The following TBL1XR1 variants were observed in gnomAD, a reference collection of about 807,000 sequenced individuals.
The protein encoded by TBL1XR1 is F-box-like/WD repeat-containing protein TBL1XR1.
In TBL1XR1, 5 loss-of-function variants were observed where a neutral mutation model predicts 66.9. The ratio of observed to expected loss-of-function variants is 0.07; its 90% CI spans 0.04 to 0.16. The LOEUF (loss-of-function observed/expected upper bound fraction) is 0.16. Among genes scored for constraint, TBL1XR1 ranks in the 10% least tolerant of loss-of-function variants. The pLI, the probability that TBL1XR1 is intolerant of heterozygous loss-of-function variation, is 1.00. For synonymous variants in TBL1XR1, 210 were observed against 206.0 expected (o/e 1.02, Z -0.17); for missense variants, 238 against 623.2 (o/e 0.38, Z 6.58).
intron 2 of TBL1XR1, among the ~76,000 whole-genome samples, chr3:177,067,734 C>T (rs1341825910): frequency 6.6e-6 from 1 of 151,924 alleles, no homozygotes; most frequent in Non-Finnish European, 1.5e-5. Flanking sequence ...CCTTGAAAGG[C>T]TTACTTCTAA....
At chr3:177,090,716 C>A (rs932993274) in intron 2 of TBL1XR1, among the ~76,000 whole-genome samples, 1 of 151,986 alleles carries the variant, frequency 6.6e-6, no homozygotes, top group Non-Finnish European at 1.5e-5. Flanking sequence ...GAGGCCAAGG[C>A]AAGAGAATCA....
Position 177,051,571 on chromosome 3 carries a change from T to C in TBL1XR1, c.360A>G (p.Gln120=), listed in dbSNP as rs1175863948. The stretch of plus-strand genomic sequence containing the variant: ...TTTCTCCATTTTTTGCAGATCCTTG[T>C]TGGCTGGCTGCAGCTGCGGCAGCTG... The part of the protein sequence containing the change: ...AAAAAAAAAS[Q]QGSAKNGENT... The change falls in exon 5 of 16, where the codon CAA becomes CAG. Residue 120 remains glutamine, a synonymous_variant. Coordinates refer to ENST00000457928, the MANE Select transcript of TBL1XR1 (RefSeq NM_024665.7). The C allele has an allele frequency of 1.2e-5, 19 of 1,613,658 alleles. No individual in the cohort carries two copies. The highest frequency in any genetic ancestry group is 1.4e-5 in the Non-Finnish European group (17 of 1,179,770).
At chr3:177,035,214 G>A (rs1714601475) in intron 12 of TBL1XR1, among the ~76,000 whole-genome samples, 1 of 151,962 alleles carries the variant, frequency 6.6e-6, no homozygotes, top group African/African-American at 2.4e-5. Flanking sequence ...TGATACTGTT[G>A]GCCACTCTCA....
intron 13 of TBL1XR1, 22 bp from the exon 14 acceptor site, chr3:177,033,158 G>T: frequency 4.0e-6 from 6 of 1,492,806 alleles, no homozygotes; most frequent in South Asian, 1.4e-5. Context: ...AGGAAAGAAA[G>T]TTAATTTATA....
intron 14 of TBL1XR1, chr3:177,032,767 A>G (rs1714188205): frequency 2.4e-6 from 1 of 410,050 alleles, no homozygotes; most frequent in Non-Finnish European, 4.2e-6. Flanking sequence ...ACAATAATAA[A>G]TAATAAAACA....
At chr3:177,105,112 G>A (rs1278349683) in intron 1 of TBL1XR1, among the ~76,000 whole-genome samples, 2 of 152,256 alleles carry the variant, frequency 1.3e-5, no homozygotes, top group Admixed American at 6.5e-5. Flanking sequence ...CCAAATTTAC[G>A]GATACTTGAA....
chr3:177,185,240 T>C (rs552582061), intron 1 of TBL1XR1, among the ~76,000 whole-genome samples: 4 of 152,300 alleles, frequency 2.6e-5, no homozygotes, highest in African/African-American at 9.6e-5. Context: ...AACAAGCATA[T>C]ATAAATACAC....
chr3:177,198,954 C>A (rs574710945), upstream of TBL1XR1, among the ~76,000 whole-genome samples: 15 of 151,832 alleles, frequency 9.9e-5, no homozygotes, highest in African/African-American at 3.4e-4. Flanking sequence ...CTAATAAGTT[C>A]AGTAATTAGA....
At chr3:177,185,807 C>T (rs1735336503) in intron 1 of TBL1XR1, among the ~76,000 whole-genome samples, 1 of 151,978 alleles carries the variant, frequency 6.6e-6, no homozygotes, top group Non-Finnish European at 1.5e-5. Context: ...AATTCGAGAC[C>T]AGCCTGAGCA....
chr3:177,047,923 TA>T (rs1560113926), intron 7 of TBL1XR1: 1 of 185,672 alleles, frequency 5.4e-6, no homozygotes, highest in South Asian at 1.4e-4. Flanking sequence ...TTATTAGAAG[TA>T]AAAAAGAAAA....
intron 14 of TBL1XR1, among the ~76,000 whole-genome samples, chr3:177,031,862 A>C (rs2108403072): frequency 1.3e-5 from 2 of 152,146 alleles, no homozygotes; most frequent in East Asian, 3.9e-4. Flanking sequence ...ATCTGCAACC[A>C]CATTACAAAG....
At chr3:177,178,679 T>C (rs1272212971) in intron 1 of TBL1XR1, among the ~76,000 whole-genome samples, 4 of 151,808 alleles carry the variant, frequency 2.6e-5, no homozygotes, top group Admixed American at 1.3e-4. Flanking sequence ...AAGCCCTAAT[T>C]ATACAGGAAT....
At chr3:177,156,796 G>A (rs973505456) in intron 1 of TBL1XR1, among the ~76,000 whole-genome samples, 6 of 152,016 alleles carry the variant, frequency 3.9e-5, no homozygotes, top group Non-Finnish European at 8.8e-5. Flanking sequence ...GCTCAAAGCT[G>A]GAAGCAACAC....
At chr3:177,147,216 T>C (rs1021547539) in intron 1 of TBL1XR1, among the ~76,000 whole-genome samples, 1 of 151,860 alleles carries the variant, frequency 6.6e-6, no homozygotes, top group African/African-American at 2.4e-5. Context: ...CCAGCTAACA[T>C]TTTTGGTTTT....
chr3:177,100,033 T>A (rs1162134211), intron 1 of TBL1XR1, among the ~76,000 whole-genome samples: 4 of 152,044 alleles, frequency 2.6e-5, no homozygotes, highest in Non-Finnish European at 5.9e-5. Flanking sequence ...AGCTCAGGAG[T>A]TCGAGACCAG....
chr3:177,064,866 A>C, intron 3 of TBL1XR1, 54 bp downstream of exon 3: 1 of 1,204,884 alleles, frequency 8.3e-7, no homozygotes, highest in Non-Finnish European at 1.2e-6. Flanking sequence ...ATAAAAGATT[A>C]TTTTGAGAAT....
At chr3:177,125,768 CAATTTCCAAGTTTTCA>C (rs1350058407) in intron 1 of TBL1XR1, among the ~76,000 whole-genome samples, 2 of 152,078 alleles carry the variant, frequency 1.3e-5, no homozygotes, top group Non-Finnish European at 2.9e-5. Context: ...TTTATTTATT[CAATTTCCAAGTTTTCA>C]AATTTCCAAG....
intron 1 of TBL1XR1, among the ~76,000 whole-genome samples, chr3:177,148,886 C>G (rs531144759): frequency 2.6e-5 from 4 of 150,992 alleles, no homozygotes; most frequent in African/African-American, 9.7e-5. Context: ...TGCCTGTGAT[C>G]CCAGCTACTC....
intron 3 of TBL1XR1, among the ~76,000 whole-genome samples, chr3:177,064,280 C>T (rs1257867977): frequency 2.0e-5 from 3 of 152,126 alleles, no homozygotes; most frequent in Non-Finnish European, 4.4e-5. Context: ...CCATCCTATA[C>T]CTCCACCCAT....
Sources: gnomAD v4.1 joint callset for allele counts (sites outside exome capture counted in the v4.1 genomes callset) on GRCh38, gnomAD v4.1.1 for gene constraint, MANE v1.5 for transcripts, NCBI Gene and HGNC (gene_info 2026-07-23, HGNC 2026-07-21) for gene names.